Variants in RBMS1 observed in about 807,000 individuals in gnomAD.
RBMS1 encodes the protein RNA-binding motif, single-stranded-interacting protein 1.
RBMS1 carries 17 observed loss-of-function variants against 62.3 expected under a neutral mutation model. The ratio of observed to expected loss-of-function variants is 0.27; its 90% confidence interval spans 0.19 to 0.41. The LOEUF is 0.41. Ranked by LOEUF, RBMS1 falls within the 10% of genes least tolerant of loss-of-function variation. The pLI, the probability that RBMS1 is intolerant of heterozygous loss-of-function variation, is 1.00. For synonymous variants in RBMS1, 172 were observed against 170.0 expected (o/e 1.01, Z -0.09); for missense variants, 334 against 504.5 (o/e 0.66, Z 3.24).
chr2:160,406,967 TTC>T (rs930309646), intron 1 of RBMS1, among the ~76,000 whole-genome samples: 3 of 152,090 alleles, frequency 2.0e-5, no homozygotes, highest in Non-Finnish European at 4.4e-5. Context: ...TCCTGTTTCT[TTC>T]TCTTTTTTTT....
At chr2:160,473,265 T>A (rs1684995442) in intron 1 of RBMS1, among the ~76,000 whole-genome samples, 1 of 152,204 alleles carries the variant, frequency 6.6e-6, no homozygotes, top group African/African-American at 2.4e-5. Flanking sequence ...GTGTTTTGTT[T>A]CCAGGTCTAT....
intron 1 of RBMS1, among the ~76,000 whole-genome samples, chr2:160,479,061 G>A (rs529808745): frequency 6.6e-6 from 1 of 152,322 alleles, no homozygotes; most frequent in South Asian, 2.1e-4. Context: ...TGTTGTTGTT[G>A]TTGACCAAAC....
intron 11 of RBMS1, 79 bp from the exon 12 acceptor site, chr2:160,277,462 A>G: frequency 9.6e-7 from 1 of 1,046,720 alleles, no homozygotes; most frequent in Middle Eastern, 2.0e-4. Context: ...TGTGAGATGG[A>G]TATAATGTAT....
At chr2:160,491,819 C>A (rs926456629) in intron 1 of RBMS1, among the ~76,000 whole-genome samples, 2 of 152,172 alleles carry the variant, frequency 1.3e-5, no homozygotes, top group African/African-American at 4.8e-5. Context: ...ACTAGCATCT[C>A]CTGCAAGTTC....
intron 1 of RBMS1, among the ~76,000 whole-genome samples, chr2:160,455,930 G>A (rs546993163): frequency 6.6e-6 from 1 of 152,024 alleles, no homozygotes; most frequent in Admixed American, 6.5e-5. Flanking sequence ...TGATCCGCCC[G>A]CCTCGGCCTC....
intron 1 of RBMS1, among the ~76,000 whole-genome samples, chr2:160,417,704 T>C (rs1207998523): frequency 6.6e-6 from 1 of 152,232 alleles, no homozygotes; most frequent in Non-Finnish European, 1.5e-5. Context: ...AAGGTGAGTC[T>C]TAGAATCTAT....
intron 10 of RBMS1, chr2:160,279,810 T>G (rs1237290754): frequency 6.6e-6 from 1 of 152,164 alleles, no homozygotes; most frequent in African/African-American, 2.4e-5. Context: ...CTGATGTAAA[T>G]CAGGCAGTTT....
chr2:160,382,419 C>G (rs964600303), intron 1 of RBMS1, among the ~76,000 whole-genome samples: 13 of 152,088 alleles, frequency 8.5e-5, no homozygotes, highest in African/African-American at 2.9e-4. Flanking sequence ...TTTCAAAACA[C>G]CAGGGACAGT....
At chr2:160,345,696 G>A (rs7583269) in intron 2 of RBMS1, among the ~76,000 whole-genome samples, 4,537 of 152,176 alleles carry the variant, frequency 0.03, 121 homozygotes, top group African/African-American at 0.065. Flanking sequence ...ATTGAAAAAT[G>A]TCAGAGAAGT....
At chr2:160,468,447 A>G (rs1195067428) in intron 1 of RBMS1, among the ~76,000 whole-genome samples, 1 of 152,214 alleles carries the variant, frequency 6.6e-6, no homozygotes, top group Non-Finnish European at 1.5e-5. Context: ...TCCAATCTTG[A>G]GTAGGCGTTT....
chr2:160,354,569 G>A (rs780984516), intron 2 of RBMS1, among the ~76,000 whole-genome samples: 13 of 152,190 alleles, frequency 8.5e-5, no homozygotes, highest in East Asian at 1.9e-4. Context: ...AATTTGTTTC[G>A]AGGACCACAA....
intron 6 of RBMS1, among the ~76,000 whole-genome samples, chr2:160,289,470 T>C (rs549559171): frequency 6.6e-6 from 1 of 152,358 alleles, no homozygotes; most frequent in South Asian, 2.1e-4. Context: ...CAATATTCCA[T>C]GTGAAGCAAT....
rs562639766 is a variant in RBMS1 at position 160,485,002 on chromosome 2, G to A, written c.75+8287C>T. On this transcript the variant is annotated intron_variant, in intron 1 of 13. Transcript: ENST00000348849. ...TGCCAGCCTCAAGAGATGTTTGCTT[G>A]ATTCAGGGCTGAAGGAGAGTAAAGA... Among the ~76,000 whole-genome samples the A allele has an allele frequency of 2.0e-5, 3 of 152,266 alleles. No individual in the cohort carries two copies. The South Asian group carries it at 6.2e-4, about 32-fold the overall frequency.
At chr2:160,300,765 A>G (rs1280523393) in intron 5 of RBMS1, 35 bp from the exon 6 acceptor site, 1 of 1,505,658 alleles carries the variant, frequency 6.6e-7, no homozygotes, top group Non-Finnish European at 8.9e-7. Flanking sequence ...ATAAATATTT[A>G]AAGGTTTCTT....
intron 1 of RBMS1, among the ~76,000 whole-genome samples, chr2:160,369,555 T>C (rs1559457546): frequency 6.6e-6 from 1 of 152,198 alleles, no homozygotes; most frequent in Non-Finnish European, 1.5e-5. Context: ...TAAACCTCCT[T>C]TGATTAGTGT....
intron 1 of RBMS1, among the ~76,000 whole-genome samples, chr2:160,452,246 G>A (rs577009546): frequency 1.3e-5 from 2 of 152,154 alleles, no homozygotes; most frequent in South Asian, 4.2e-4. Context: ...TGAGCTCCCA[G>A]GAAATCCCAA....
At chr2:160,337,274 T>C (rs557250096) in intron 2 of RBMS1, among the ~76,000 whole-genome samples, 135 of 151,794 alleles carry the variant, frequency 8.9e-4, no homozygotes, top group Middle Eastern at 3.4e-3. Flanking sequence ...GCTGGGATTA[T>C]AGGTTCATGT....
chr2:160,276,815 CT>C (rs1559303387), intron 12 of RBMS1: 1 of 152,262 alleles, frequency 6.6e-6, no homozygotes, highest in Non-Finnish European at 1.5e-5. Flanking sequence ...CTTATTATGT[CT>C]GTAGTATCAT....
chr2:160,443,724 CT>C (rs1437371497), intron 1 of RBMS1, among the ~76,000 whole-genome samples: 1 of 152,246 alleles, frequency 6.6e-6, no homozygotes, highest in Non-Finnish European at 1.5e-5. Flanking sequence ...AATCAAACCT[CT>C]TTTCTGCATA....
Sources: allele counts gnomAD v4.1 joint callset (sites outside exome capture counted in the v4.1 genomes callset), GRCh38; gene constraint gnomAD v4.1.1; transcripts MANE v1.5; gene names NCBI Gene and HGNC (gene_info 2026-07-23, HGNC 2026-07-21).